The following PPP2R1A variants were observed in gnomAD, a reference collection of about 807,000 sequenced individuals.
PPP2R1A encodes the protein serine/threonine-protein phosphatase 2A 65 kDa regulatory subunit A alpha isoform.
In PPP2R1A, 15 loss-of-function variants were observed where a neutral mutation model predicts 67.1. That is an observed-to-expected ratio of 0.22 (90% CI 0.15 to 0.34). The LOEUF (loss-of-function observed/expected upper bound fraction) is 0.34, where lower values mean the gene tolerates loss of function less well. PPP2R1A is among the 10% of genes least tolerant of loss of function. PPP2R1A has a pLI of 1.00. For missense variants in PPP2R1A, 369 were observed against 775.0 expected (o/e 0.48, Z 6.22); for synonymous variants, 337 against 325.0 (o/e 1.04, Z -0.40).
intron 2 of PPP2R1A, among the ~76,000 whole-genome samples, chr19:52,204,650 G>A (rs1195344087): frequency 6.6e-6 from 1 of 152,202 alleles, no homozygotes; most frequent in Non-Finnish European, 1.5e-5. Context: ...AAGGTCTTCA[G>A]GAGACAAAGA....
In PPP2R1A at chr19:52,213,468, T is replaced by G. The variant is rs1227229615; in HGVS notation, c.807+358T>G. Among the ~76,000 whole-genome samples, 2 of 111,382 alleles carry G rather than the reference T, an allele frequency of 1.8e-5. No homozygotes were observed. Among genetic ancestry groups the G allele is most frequent in the Admixed American group, 8.2e-5 (1 of 12,182 alleles). 73.1% of individuals were successfully genotyped at this position (111,382 alleles called of 152,430 possible). On this transcript the variant is annotated intron_variant, in intron 6 of 14. Coordinates refer to ENST00000322088, the MANE Select transcript of PPP2R1A (RefSeq NM_014225.6). This position sits in a 1 kb window ranked among gnomAD's most constrained non-coding sequence, Gnocchi z 4.2. The stretch of plus-strand genomic sequence containing the variant: ...TGGGGTTTTTTGGTGTTTTTTTTTT[T>G]TTTTTTTTTTTTTTTTTTTAAGATG...
rs1362406458 is a variant in PPP2R1A at position 52,219,739 on chromosome 19, G to A, written c.1177G>A (p.Glu393Lys). The A allele has an allele frequency of 2.5e-6, 4 of 1,614,096 alleles. No individual in the cohort carries two copies. The highest frequency in any genetic ancestry group is 1.7e-5 in the Admixed American group (1 of 60,024). ...CATCTCTAACCTGGACTGTGTGAAC[G>A]AGGTGATTGGCATCCGGCAGCTGTC... The part of the protein sequence containing the change: ...NIISNLDCVN[E>K]VIGIRQLSQS... The change falls in exon 10 of 15, where the codon GAG (glutamate) becomes AAG (lysine). Residue 393 changes from glutamate to lysine, a missense_variant. By Grantham distance (56) the Glu-to-Lys change is moderately conservative. Around this residue, in one of 2 missense-constraint regions of PPP2R1A, gnomAD observed 276 missense variants for 508.4 expected, o/e 0.54. Transcript: ENST00000322088. This position sits in a 1 kb window ranked among gnomAD's most constrained non-coding sequence, Gnocchi z 4.0.
chr19:52,228,557 G>C lies in PPP2R1A; in HGVS notation c.*2576G>C, dbSNP rs1204068258. The C allele has an allele frequency of 6.6e-6, 1 of 152,228 alleles. No individual in the cohort carries two copies. Among genetic ancestry groups the C allele is most frequent in the Non-Finnish European group, 1.5e-5 (1 of 68,074 alleles). The allele number at this position is 152,228 out of a possible 1,614,324, so 9.4% of individuals were successfully genotyped here. ...CCTAATCTCCCAGGCTGCAGGCTTT[G>C]TTTGCTCCATACACCTGGCCTTCTC... On this transcript the variant is annotated 3_prime_UTR_variant, in exon 15 of 15. Coordinates refer to ENST00000322088, the MANE Select transcript of PPP2R1A (RefSeq NM_014225.6).
Position 52,225,709 on chromosome 19 carries a change from C to G in PPP2R1A, c.1662-8C>G. 1 of 1,613,948 alleles carries G rather than the reference C, an allele frequency of 6.2e-7. No individual in the cohort carries two copies. The highest frequency in any genetic ancestry group is 1.7e-5 in the Admixed American group (1 of 60,026). ...CCCTCTCTCTCCCTGTCTCCTTTCG[C>G]TTTCCAGCACCTTGCAGAGTGAAGT... On this transcript the variant is annotated splice_polypyrimidine_tract_variant and splice_region_variant and intron_variant, in intron 13 of 14. Transcript: ENST00000322088.
At chr19:52,217,681 A>AT (rs1330580773) in intron 9 of PPP2R1A, among the ~76,000 whole-genome samples, 7 of 151,692 alleles carry the variant, frequency 4.6e-5, no homozygotes, top group Non-Finnish European at 1.0e-4. Context: ...TCGGTGGTGG[A>AT]TTTTTTTTCT....
At position 52,204,414 on chromosome 19, in the gene PPP2R1A, T is replaced by C. The variant is rs189848192; in HGVS notation, c.170-1549T>C. On this transcript the variant is annotated intron_variant, in intron 2 of 14. Transcript: ENST00000322088. Reference sequence around the variant, plus strand: ...AACCAGGTAAGAAGCTGTTGCAGTCTCCCAGGCGACAGCTAGTGATGATCA... The same window carrying C: ...AACCAGGTAAGAAGCTGTTGCAGTCCCCCAGGCGACAGCTAGTGATGATCA... Among the ~76,000 whole-genome samples the C allele has an allele frequency of 5.2e-3, 784 of 152,232 alleles. 2 individuals carry two copies. The highest frequency in any genetic ancestry group is 0.015 in the South Asian group (70 of 4,818).
chr19:52,206,665 C>A (rs746716700), intron 3 of PPP2R1A, among the ~76,000 whole-genome samples: 1 of 152,192 alleles, frequency 6.6e-6, no homozygotes. Context: ...GTCCATTTGA[C>A]TGTCTGCCAG....
At chr19:52,203,816 G>T (rs1012916715) in intron 2 of PPP2R1A, among the ~76,000 whole-genome samples, 2 of 152,162 alleles carry the variant, frequency 1.3e-5, no homozygotes, top group African/African-American at 4.8e-5. Flanking sequence ...TCAGCTTCAA[G>T]TTGGGATTCC....
In PPP2R1A at chr19:52,197,055, T is replaced by C. The variant is rs372024899; in HGVS notation, c.79-4889T>C. ...GATTATGAACAGCAGTATAGCCCCA[T>C]GCAGGAGCTCCTAACTTGGGGATCA... is the stretch of plus-strand genomic sequence containing the variant. On this transcript the variant is annotated intron_variant, in intron 1 of 14. Coordinates refer to ENST00000322088, the MANE Select transcript of PPP2R1A (RefSeq NM_014225.6). Among the ~76,000 whole-genome samples the C allele has an allele frequency of 1.5e-3, 228 of 152,320 alleles. 1 individual carries two copies. Among genetic ancestry groups the C allele is most frequent in the African/African-American group, 5.3e-3 (221 of 41,568 alleles).
chr19:52,197,458 T>G (rs1224506867), intron 1 of PPP2R1A, among the ~76,000 whole-genome samples: 2 of 152,126 alleles, frequency 1.3e-5, no homozygotes, highest in Non-Finnish European at 2.9e-5. Flanking sequence ...GAGGATTGCT[T>G]GAGCTCAGGA....
chr19:52,195,356 A>C (rs1053311497), intron 1 of PPP2R1A, among the ~76,000 whole-genome samples: 2 of 152,202 alleles, frequency 1.3e-5, no homozygotes, highest in Non-Finnish European at 2.9e-5. Context: ...TTAACACAAC[A>C]ATCAACAACA....
chr19:52,211,315 T>C lies in PPP2R1A; in HGVS notation c.326T>C (p.Val109Ala). ...GAGACAGTGGTGCGGGACAAGGCAG[T>C]GGAGTCCTTACGGGCCATCTCACAC... ...VEETVVRDKA[V>A]ESLRAISHEH... is the part of the protein sequence containing the mutation. The change falls in exon 4 of 15, where the codon GTG (valine) becomes GCG (alanine). Residue 109 changes from valine to alanine, a missense_variant. Physicochemically the swap from Val to Ala is moderately conservative, Grantham distance 64 (BLOSUM62 0). Transcript: ENST00000322088. The surrounding 1 kb of genome is among the most constrained non-coding windows in gnomAD (Gnocchi z 5.3). 6.2e-7 allele frequency: 1 copy of C among 1,613,702 alleles called. No individual in the cohort carries two copies. Among genetic ancestry groups the C allele is most frequent in the Non-Finnish European group, 8.5e-7 (1 of 1,179,922 alleles).
In PPP2R1A at chr19:52,202,051, C is replaced by G. The variant is rs1421549263; in HGVS notation, c.169+17C>G. ...TCCTTACAGGTAACAAAGGGGACCCCTGGGGCCCAGATGTGGGGACTCTTG... is the reference window on the plus strand; with the variant it reads ...TCCTTACAGGTAACAAAGGGGACCCGTGGGGCCCAGATGTGGGGACTCTTG... On this transcript the variant is annotated intron_variant, in intron 2 of 14. Coordinates refer to ENST00000322088, the MANE Select transcript of PPP2R1A (RefSeq NM_014225.6). 2.5e-6 allele frequency: 4 copies of G among 1,608,016 alleles called. No individual in the cohort carries two copies. The East Asian group carries it at 8.9e-5, about 36-fold the overall frequency.
intron 3 of PPP2R1A, among the ~76,000 whole-genome samples, chr19:52,208,314 G>A (rs1022632190): frequency 6.0e-5 from 9 of 150,640 alleles, no homozygotes; most frequent in Non-Finnish European, 8.9e-5. Context: ...GATTACAGGC[G>A]TGTGCCACCG....
chr19:52,212,927 C>T lies in PPP2R1A; in HGVS notation c.652-28C>T. 6.4e-7 allele frequency: 1 copy of T among 1,572,294 alleles called. No homozygotes were observed. Among genetic ancestry groups the T allele is most frequent in the African/African-American group, 1.4e-5 (1 of 73,962 alleles). On this transcript the variant is annotated intron_variant, in intron 5 of 14. Transcript: ENST00000322088. This position sits in a 1 kb window ranked among gnomAD's most constrained non-coding sequence, Gnocchi z 4.1. Reference sequence around the variant, plus strand: ...CAGAGCTCAGCAAGGCCTCTGCTGCCCTCCCACTGTTCCTCTCCTCTCCCT... The same window carrying T: ...CAGAGCTCAGCAAGGCCTCTGCTGCTCTCCCACTGTTCCTCTCCTCTCCCT...
In PPP2R1A at chr19:52,216,011, T is replaced by C; in HGVS notation, c.930T>C (p.Cys310=). The C allele has an allele frequency of 1.9e-6, 3 of 1,614,008 alleles. No homozygotes were observed. The highest frequency in any genetic ancestry group is 2.5e-6 in the Non-Finnish European group (3 of 1,179,898). Residue 310 remains cysteine, a synonymous_variant, in exon 8 of 15, where the codon TGT becomes TGC. Transcript: ENST00000322088. The surrounding 1 kb of genome is among the most constrained non-coding windows in gnomAD (Gnocchi z 4.3). The part of the protein sequence containing the change: ...AAASHKVKEF[C]ENLSADCREN... ...CCCTCTCCCTGCCCACAGAGTTCTG[T>C]GAAAACCTCTCAGCTGACTGTCGGG...
chr19:52,205,541 A>C (rs1375273541), intron 2 of PPP2R1A, among the ~76,000 whole-genome samples: 1 of 152,188 alleles, frequency 6.6e-6, no homozygotes, highest in Non-Finnish European at 1.5e-5. Context: ...GATAAAAATA[A>C]ATTTCTGGCA....
At position 52,216,245 on chromosome 19, in the gene PPP2R1A, C is replaced by T. The variant is rs372453537; in HGVS notation, c.993+171C>T. ...GGTCCTGACTGCAGCTTGAGGCTGA[C>T]CTTAAAGGTGGAAGTACTTTCTAGA... On this transcript the variant is annotated intron_variant, in intron 8 of 14. Coordinates refer to ENST00000322088, the MANE Select transcript of PPP2R1A (RefSeq NM_014225.6). The surrounding 1 kb of genome is among the most constrained non-coding windows in gnomAD (Gnocchi z 4.3). Among the ~76,000 whole-genome samples the T allele has an allele frequency of 3.9e-5, 6 of 152,086 alleles. No individual in the cohort carries two copies. Among genetic ancestry groups the T allele is most frequent in the African/African-American group, 1.4e-4 (6 of 41,398 alleles).
At chr19:52,210,781 T>C (rs1323674427) in intron 3 of PPP2R1A, among the ~76,000 whole-genome samples, 2 of 152,188 alleles carry the variant, frequency 1.3e-5, no homozygotes, top group Admixed American at 6.5e-5. Context: ...CGTGAGCCAC[T>C]GCGCCCGGCC....
Sources: allele counts gnomAD v4.1 joint callset (sites outside exome capture counted in the v4.1 genomes callset), GRCh38; gene constraint gnomAD v4.1.1; regional missense constraint gnomAD v4.1.1; non-coding constraint Gnocchi (gnomAD v3.1); transcripts MANE v1.5; gene names NCBI Gene and HGNC (gene_info 2026-07-23, HGNC 2026-07-21).